DDX31: variants seen among roughly 807,000 people sequenced by gnomAD.
DDX31 encodes DEAD-box helicase 31.
A neutral mutation model predicts 91.3 loss-of-function variants in DDX31; 70 were observed. The observed-to-expected ratio is 0.77, with a 90% confidence interval of 0.63 to 0.94. DDX31 has a LOEUF of 0.94. DDX31 is among the 40% of genes least tolerant of loss of function. The probability of loss-of-function intolerance (pLI) is 0.00; values close to 1 mark genes in which losing one functional copy is unlikely to be tolerated. For missense variants in DDX31, 902 were observed against 925.0 expected (o/e 0.98, Z 0.32); for synonymous variants, 362 against 350.6 (o/e 1.03, Z -0.36).
rs1276472339 is a variant in DDX31, at chr9:132,665,829, TATC to T, written c.76-3137_76-3135del. 3.3e-5 allele frequency among the ~76,000 whole-genome samples: 5 copies of T among 152,206 alleles called. No individual in the cohort carries two copies. In the South Asian group the frequency reaches 6.2e-4, roughly 19 times the overall value. ...TCTCATTTATCAACACAGGTACTGTTATCATCTCATTTTAAGATGCAAACATGG... is the reference window on the plus strand; with the variant it reads ...TCTCATTTATCAACACAGGTACTGTTATCTCATTTTAAGATGCAAACATGG... On this transcript the variant is annotated intron_variant, in intron 1 of 19. Transcript: ENST00000372159.
At chr9:132,620,330 G>A (rs1193747128) in intron 17 of DDX31, among the ~76,000 whole-genome samples, 1 of 151,870 alleles carries the variant, frequency 6.6e-6, no homozygotes, top group African/African-American at 2.4e-5. Context: ...CAACTGTCAG[G>A]GGATTTAGTG....
At chr9:132,662,731 T>G (rs1289148978) in intron 1 of DDX31, 36 bp from the exon 2 acceptor site, 1 of 1,612,430 alleles carries the variant, frequency 6.2e-7, no homozygotes, top group Non-Finnish European at 8.5e-7. Context: ...CAACAAGAGA[T>G]GCATTAGTCC....
At chr9:132,611,501 C>A (rs966160995) in intron 19 of DDX31, among the ~76,000 whole-genome samples, 1 of 152,210 alleles carries the variant, frequency 6.6e-6, no homozygotes, top group Non-Finnish European at 1.5e-5. Context: ...CAGCCTCGAA[C>A]AGGGCAATAC....
At position 132,658,260 on chromosome 9, in the gene DDX31, G is replaced by A. The variant is rs1834697817; in HGVS notation, c.588+411C>T. 4.3e-6 allele frequency: 3 copies of A among 702,740 alleles called. No homozygotes were observed. In the South Asian group the frequency reaches 4.4e-5, roughly 10 times the overall value. 43.5% of individuals were successfully genotyped at this position (702,740 alleles called of 1,614,324 possible). A position where few individuals can be genotyped will look rare whatever the true frequency, so the allele number is the denominator to read the frequency against. On this transcript the variant is annotated intron_variant, in intron 6 of 19. Coordinates refer to ENST00000372159, the MANE Select transcript of DDX31 (RefSeq NM_022779.9). ...GGTCTCTGCAGCCAAACAGAACTGA[G>A]GTAGAAATCCAGTTCCTCCATTACT...
chr9:132,621,290 T>C (rs1174848040), intron 17 of DDX31, among the ~76,000 whole-genome samples: 1 of 152,132 alleles, frequency 6.6e-6, no homozygotes, highest in African/African-American at 2.4e-5. Context: ...TTAAGCAAAA[T>C]GGAAGGGTTT....
At chr9:132,641,902 C>A (rs1330879948) in intron 14 of DDX31, 102 bp downstream of exon 14, 1 of 1,204,498 alleles carries the variant, frequency 8.3e-7, no homozygotes. Flanking sequence ...TGTTCCTGGG[C>A]CCTGTAGGAC....
intron 19 of DDX31, among the ~76,000 whole-genome samples, chr9:132,600,478 C>T (rs1333480689): frequency 6.6e-6 from 1 of 152,158 alleles, no homozygotes; most frequent in East Asian, 1.9e-4. Context: ...TCTAGTGAAG[C>T]TCAGAACTCC....
chr9:132,659,585 T>C (rs952941224), intron 5 of DDX31, 125 bp downstream of exon 5: 3 of 817,732 alleles, frequency 3.7e-6, no homozygotes, highest in Non-Finnish European at 2.0e-6. Flanking sequence ...ATCAAAAGCA[T>C]GGCCTCCCTC....
chr9:132,605,567 T>C (rs1830965777), intron 19 of DDX31, among the ~76,000 whole-genome samples: 1 of 152,150 alleles, frequency 6.6e-6, no homozygotes, highest in African/African-American at 2.4e-5. Flanking sequence ...CTCTAAGCTA[T>C]ACTTTCGAGG....
At chr9:132,623,384 C>T (rs415067) in intron 17 of DDX31, among the ~76,000 whole-genome samples, 85,521 of 150,758 alleles carry the variant, frequency 0.57, 25,761 homozygotes, top group African/African-American at 0.76. Context: ...AGTGAAACCC[C>T]GTCTCTACTA....
chr9:132,644,022 C>T (rs1283422670), intron 13 of DDX31, among the ~76,000 whole-genome samples: 1 of 151,838 alleles, frequency 6.6e-6, no homozygotes, highest in Admixed American at 6.5e-5. Context: ...ACCATGTCAA[C>T]CATCTAAGGA....
chr9:132,663,145 T>C (rs933074164), intron 1 of DDX31: 4 of 1,282,734 alleles, frequency 3.1e-6, no homozygotes, highest in African/African-American at 1.5e-5. Flanking sequence ...CAAAGCACAC[T>C]GGAGACCGCA....
rs758353390 is a variant in DDX31, at chr9:132,612,229, C to A, written c.1852G>T (p.Ala618Ser). The stretch of plus-strand genomic sequence containing the variant: ...TGCTTCAGCTCCCTGGGGTAGGTGG[C>A]GTAGGCTTGGATGAAGGACTGCAGA... ...KALQSFIQAY[A>S]TYPRELKHIF... is the part of the protein sequence containing the mutation. Residue 618 changes from alanine (A) to serine (S), a missense_variant, in exon 19 of 20, where the codon GCC (alanine) becomes TCC (serine). Transcript: ENST00000372159. 2.5e-6 allele frequency: 4 copies of A among 1,614,082 alleles called. No homozygotes were observed. In the South Asian group the frequency reaches 4.4e-5, roughly 18 times the overall value.
chr9:132,633,235 C>A (rs1832905138), intron 14 of DDX31, among the ~76,000 whole-genome samples: 1 of 152,140 alleles, frequency 6.6e-6, no homozygotes, highest in South Asian at 2.1e-4. Flanking sequence ...CGCATTCCAC[C>A]ATCAAAAATG....
intron 14 of DDX31, among the ~76,000 whole-genome samples, chr9:132,641,206 T>C (rs1355016500): frequency 6.6e-6 from 1 of 152,222 alleles, no homozygotes; most frequent in African/African-American, 2.4e-5. Flanking sequence ...AGTAATTGCA[T>C]CAAATGTGGC....
chr9:132,601,459 A>T (rs887602911), intron 19 of DDX31, among the ~76,000 whole-genome samples: 1 of 152,216 alleles, frequency 6.6e-6, no homozygotes, highest in Non-Finnish European at 1.5e-5. Flanking sequence ...TCTGTAAAAC[A>T]GGGATAACAT....
chr9:132,666,657 G>A (rs544764688), intron 1 of DDX31, among the ~76,000 whole-genome samples: 1 of 151,718 alleles, frequency 6.6e-6, no homozygotes, highest in Non-Finnish European at 1.5e-5. Flanking sequence ...GAGTGGCTGG[G>A]ATCACAGGCA....
chr9:132,663,524 G>A, intron 1 of DDX31: 2 of 985,344 alleles, frequency 2.0e-6, no homozygotes, highest in Non-Finnish European at 2.4e-6. Flanking sequence ...CTAGGAGAAG[G>A]AACATCCAAT....
At chr9:132,662,230 A>AC (rs761248111) in intron 3 of DDX31, 31 bp downstream of exon 3, 1 of 1,612,458 alleles carries the variant, frequency 6.2e-7, no homozygotes, top group South Asian at 1.1e-5. Flanking sequence ...ACCAAAAAAA[A>AC]CTGACCCAGA....
Sources: allele counts gnomAD v4.1 joint callset (sites outside exome capture counted in the v4.1 genomes callset), GRCh38; gene constraint gnomAD v4.1.1; transcripts MANE v1.5; gene names NCBI Gene and HGNC (gene_info 2026-07-23, HGNC 2026-07-21).